LRRC7: variants seen among roughly 807,000 people sequenced by gnomAD.
The protein encoded by LRRC7 is leucine rich repeat containing 7.
In LRRC7, 23 loss-of-function variants were observed where a neutral mutation model predicts 175.7. The observed-to-expected ratio is 0.13, with a 90% CI of 0.09 to 0.19. The LOEUF is 0.19. LRRC7 is among the 10% of genes least tolerant of loss of function. The pLI is 1.00. For missense variants in LRRC7, 1,354 were observed against 1,904.7 expected (o/e 0.71, Z 5.38); for synonymous variants, 685 against 680.9 (o/e 1.01, Z -0.09).
chr1:70,044,055 T>C lies in LRRC7; in HGVS notation c.4071T>C (p.Thr1357=), dbSNP rs761021815. The part of the protein sequence containing the change: ...AGRSMTLNLQ[T]KSKFDHQELP... The stretch of plus-strand genomic sequence containing the variant: ...GAAGCATGACTTTAAACTTGCAGAC[T>C]AAGTCTAAATTTGATCATCAAGAAC... Residue 1357 remains threonine (T), a synonymous_variant, in exon 22 of 27, where the codon ACT becomes ACC. Transcript: ENST00000651989. 8 of 1,613,412 alleles carry C rather than the reference T, an allele frequency of 5.0e-6. No individual in the cohort carries two copies. Among genetic ancestry groups the C allele is most frequent in the Non-Finnish European group, 6.8e-6 (8 of 1,179,638 alleles).
At chr1:70,065,266 G>A (rs1358401860) in intron 23 of LRRC7, among the ~76,000 whole-genome samples, 1 of 151,828 alleles carries the variant, frequency 6.6e-6, no homozygotes, top group African/African-American at 2.4e-5. Context: ...TTCCTTTTAA[G>A]CAAAAGTTCA....
chr1:70,087,034 A>G (rs1663667051), intron 24 of LRRC7, among the ~76,000 whole-genome samples: 1 of 152,214 alleles, frequency 6.6e-6, no homozygotes, highest in African/African-American at 2.4e-5. Flanking sequence ...TGGCATGCCC[A>G]AGAGCAGTCT....
At chr1:69,788,179 A>G (rs1048723425) in intron 3 of LRRC7, among the ~76,000 whole-genome samples, 1 of 152,112 alleles carries the variant, frequency 6.6e-6, no homozygotes, top group Non-Finnish European at 1.5e-5. Context: ...TCCACTTGCA[A>G]TATCTGTAAC....
At chr1:70,041,310 T>C (rs1245100650) in intron 21 of LRRC7, among the ~76,000 whole-genome samples, 3 of 152,252 alleles carry the variant, frequency 2.0e-5, no homozygotes, top group Non-Finnish European at 4.4e-5. Context: ...GAAAACAATT[T>C]TTTTTAGGGA....
chr1:69,731,642 A>C (rs1173247805), intron 2 of LRRC7, among the ~76,000 whole-genome samples: 1 of 152,208 alleles, frequency 6.6e-6, no homozygotes, highest in Non-Finnish European at 1.5e-5. Context: ...TGCATTGTAC[A>C]TTTGAAAGGT....
At chr1:69,712,314 G>GA (rs1456615377) in intron 2 of LRRC7, among the ~76,000 whole-genome samples, 1 of 151,866 alleles carries the variant, frequency 6.6e-6, no homozygotes, top group Non-Finnish European at 1.5e-5. Flanking sequence ...TTTTATTTAG[G>GA]AAAAAAAGGG....
At chr1:69,918,122 T>C (rs556608688) in intron 7 of LRRC7, among the ~76,000 whole-genome samples, 13 of 152,336 alleles carry the variant, frequency 8.5e-5, no homozygotes, top group African/African-American at 3.1e-4. Context: ...AGTAATTATT[T>C]ATTTAAAGGT....
chr1:69,596,849 T>C (rs1646865106), intron 1 of LRRC7, among the ~76,000 whole-genome samples: 2 of 152,376 alleles, frequency 1.3e-5, no homozygotes, highest in South Asian at 2.1e-4. Context: ...AAGTGAGCCA[T>C]GTTCCTCTTT....
At chr1:69,813,031 C>T (rs1570082054) in intron 4 of LRRC7, among the ~76,000 whole-genome samples, 1 of 151,986 alleles carries the variant, frequency 6.6e-6, no homozygotes, top group African/African-American at 2.4e-5. Context: ...ATCCATAACC[C>T]CAAATATCTG....
At chr1:69,907,641 T>C (rs1287165528) in intron 7 of LRRC7, among the ~76,000 whole-genome samples, 2 of 152,206 alleles carry the variant, frequency 1.3e-5, no homozygotes, top group African/African-American at 4.8e-5. Flanking sequence ...AGCTTTTTGA[T>C]GTGCTGCTGG....
intron 7 of LRRC7, chr1:69,919,396 CGCATGA>C (rs1235956415): frequency 4.5e-6 from 3 of 660,546 alleles, no homozygotes; most frequent in Non-Finnish European, 2.7e-6. Flanking sequence ...CTGGGAAAAG[CGCATGA>C]GCCGCCCCTC....
At chr1:70,023,450 CTGCATGATTT>C in intron 17 of LRRC7, 76 bp downstream of exon 17, 2 of 1,352,298 alleles carry the variant, frequency 1.5e-6, no homozygotes, top group Admixed American at 5.2e-5. Flanking sequence ...GGGGTATGTT[CTGCATGATTT>C]GGGGTAAGAA....
intron 6 of LRRC7, among the ~76,000 whole-genome samples, chr1:69,836,845 A>C (rs1681166574): frequency 6.6e-6 from 1 of 151,820 alleles, no homozygotes; most frequent in African/African-American, 2.4e-5. Flanking sequence ...TAATCATTAT[A>C]AGATTAAAAT....
chr1:69,743,912 G>T (rs554148921), intron 2 of LRRC7, among the ~76,000 whole-genome samples: 1 of 151,744 alleles, frequency 6.6e-6, no homozygotes, highest in South Asian at 2.1e-4. Context: ...TATTGAGATT[G>T]TATGATTATA....
chr1:69,922,537 T>C (rs1329704625), intron 7 of LRRC7, among the ~76,000 whole-genome samples: 2 of 152,194 alleles, frequency 1.3e-5, no homozygotes, highest in Non-Finnish European at 2.9e-5. Flanking sequence ...CTTTCATCTT[T>C]AAAACCTTAA....
chr1:69,882,883 G>A (rs1686779924), intron 7 of LRRC7, among the ~76,000 whole-genome samples: 1 of 150,832 alleles, frequency 6.6e-6, no homozygotes, highest in Non-Finnish European at 1.5e-5. Flanking sequence ...TTGTTCTTGC[G>A]ATAGTTTACT....
intron 1 of LRRC7, among the ~76,000 whole-genome samples, chr1:69,669,707 C>T (rs1168662717): frequency 9.9e-5 from 15 of 152,036 alleles, no homozygotes; most frequent in Admixed American, 9.2e-4. Flanking sequence ...TAGATTTGCC[C>T]GTTTGAGGCT....
At chr1:70,046,424 G>A (rs1249348913) in intron 22 of LRRC7, among the ~76,000 whole-genome samples, 1 of 152,044 alleles carries the variant, frequency 6.6e-6, no homozygotes, top group Non-Finnish European at 1.5e-5. Flanking sequence ...CTCTTTGGAA[G>A]CTACATTAAT....
chr1:69,752,577 G>A (rs1033482709), intron 2 of LRRC7, among the ~76,000 whole-genome samples: 1 of 152,104 alleles, frequency 6.6e-6, no homozygotes, highest in Non-Finnish European at 1.5e-5. Flanking sequence ...ATTGTCAGTA[G>A]GGAAGGATTT....
Sources: gnomAD v4.1 joint callset for allele counts (sites outside exome capture counted in the v4.1 genomes callset) on GRCh38, gnomAD v4.1.1 for gene constraint, MANE v1.5 for transcripts, NCBI Gene and HGNC (gene_info 2026-07-23, HGNC 2026-07-21) for gene names.